Variants in ANXA3 observed in about 807,000 individuals in gnomAD.
ANXA3 encodes annexin A3.
Under a neutral mutation model 48.8 loss-of-function variants are expected in ANXA3, and 46 were observed. That is an observed-to-expected ratio of 0.94 (90% CI 0.74 to 1.21). The LOEUF is 1.21. ANXA3 is among the 50% of genes most tolerant of loss of function. The pLI is 0.00. For synonymous variants in ANXA3, 128 were observed against 134.7 expected (o/e 0.95, Z 0.35); for missense variants, 383 against 378.6 (o/e 1.01, Z -0.10).
chr4:78,556,894 G>A (rs546217966), intron 2 of ANXA3, among the ~76,000 whole-genome samples: 28 of 152,324 alleles, frequency 1.8e-4, no homozygotes, highest in South Asian at 2.1e-4. Context: ...ACCCAAGTGC[G>A]TGTGATCAAG....
intron 10 of ANXA3, among the ~76,000 whole-genome samples, chr4:78,599,290 C>T (rs1468068816): frequency 6.6e-6 from 1 of 152,166 alleles, no homozygotes; most frequent in Non-Finnish European, 1.5e-5. Flanking sequence ...CTTTCCAATC[C>T]TCCCCACCCC....
intron 3 of ANXA3, among the ~76,000 whole-genome samples, chr4:78,575,537 A>G (rs1245750794): frequency 6.7e-6 from 1 of 148,496 alleles, no homozygotes; most frequent in East Asian, 1.9e-4. Flanking sequence ...GCCTGCCACC[A>G]TCCACGTAAG....
intron 2 of ANXA3, among the ~76,000 whole-genome samples, chr4:78,568,707 T>C (rs1403059001): frequency 2.6e-5 from 4 of 152,190 alleles, no homozygotes. Flanking sequence ...CTGGCTTTTG[T>C]GAGTCAAAAA....
chr4:78,579,234 C>T lies in ANXA3; in HGVS notation c.198+113C>T, dbSNP rs1578396888. 1.7e-5 allele frequency: 11 copies of T among 654,136 alleles called. No homozygotes were observed. The East Asian group carries it at 3.2e-4, about 19-fold the overall frequency. The allele number at this position is 654,136 out of a possible 1,614,324, so 40.5% of individuals were successfully genotyped here. A position where few individuals can be genotyped will look rare whatever the true frequency, so the allele number is the denominator to read the frequency against. On this transcript the variant is annotated intron_variant, in intron 4 of 12. Transcript: ENST00000264908. ...TCAGGCTGAGTGTAACAGAAGATGC[C>T]CTGTGCATCCAGTCAGGAGCCTGGA... is the stretch of plus-strand genomic sequence containing the variant.
chr4:78,594,637 ATGTT>A (rs1436799522), intron 7 of ANXA3, among the ~76,000 whole-genome samples: 1 of 152,240 alleles, frequency 6.6e-6, no homozygotes, highest in African/African-American at 2.4e-5. Context: ...ATGACATACA[ATGTT>A]GAGAATCTTT....
intron 3 of ANXA3, among the ~76,000 whole-genome samples, chr4:78,574,674 C>T (rs1722911516): frequency 6.6e-6 from 1 of 152,116 alleles, no homozygotes; most frequent in South Asian, 2.1e-4. Context: ...TGAGATTTAT[C>T]CATGTTGATA....
At chr4:78,603,991 C>T (rs184021280) in intron 11 of ANXA3, 2 of 231,268 alleles carry the variant, frequency 8.6e-6, no homozygotes, top group East Asian at 1.8e-4. Flanking sequence ...TTCAACATGT[C>T]AGACTGTTTT....
At chr4:78,590,475 C>T (rs1233429337) in intron 6 of ANXA3, among the ~76,000 whole-genome samples, 1 of 152,172 alleles carries the variant, frequency 6.6e-6, no homozygotes, top group Non-Finnish European at 1.5e-5. Context: ...TGAGAATTCT[C>T]ATGGCTAGTA....
At chr4:78,578,852 A>AAAATAAATAAATAAATAAAT (rs3840270) in intron 3 of ANXA3, among the ~76,000 whole-genome samples, 175 bp from the exon 4 acceptor site, 1 of 148,742 alleles carries the variant, frequency 6.7e-6, no homozygotes, top group African/African-American at 2.5e-5. Context: ...TCAGGCAAAC[A>AAAATAAATAAATAAATAAAT]AAATAAATAA....
chr4:78,604,013 C>G (rs748459462), intron 11 of ANXA3: 1 of 282,504 alleles, frequency 3.5e-6, no homozygotes, highest in Non-Finnish European at 6.6e-6. Context: ...CAATGGCTTA[C>G]TTTCTTGCCT....
At position 78,579,103 on chromosome 4, in the gene ANXA3, T is replaced by C. The variant is rs1339271078; in HGVS notation, c.180T>C (p.Tyr60=). 1 of 1,610,240 alleles carries C rather than the reference T, an allele frequency of 6.2e-7. No individual in the cohort carries two copies. The highest frequency in any genetic ancestry group is 1.3e-5 in the African/African-American group (1 of 74,892). The stretch of plus-strand genomic sequence containing the variant: ...AGCGGCAGCTGATTGTTAAGGAATA[T>C]CAAGCAGCATATGGAAAGGTAAGGT... ...NAQRQLIVKE[Y]QAAYGKELKD... Residue 60 remains tyrosine (Y), a synonymous_variant, in exon 4 of 13, where the codon TAT becomes TAC. Transcript: ENST00000264908.
At chr4:78,609,062 G>A (rs1268362351) in intron 12 of ANXA3, among the ~76,000 whole-genome samples, 1 of 152,094 alleles carries the variant, frequency 6.6e-6, no homozygotes, top group Non-Finnish European at 1.5e-5. Flanking sequence ...GAAGAATATT[G>A]TCATATATTT....
At chr4:78,605,031 A>G (rs953327324) in intron 12 of ANXA3, among the ~76,000 whole-genome samples, 1 of 152,264 alleles carries the variant, frequency 6.6e-6, no homozygotes, top group Non-Finnish European at 1.5e-5. Context: ...TTTGACAAAT[A>G]TTACTAATTG....
At chr4:78,564,033 A>T (rs998790877) in intron 2 of ANXA3, among the ~76,000 whole-genome samples, 1 of 152,254 alleles carries the variant, frequency 6.6e-6, no homozygotes, top group African/African-American at 2.4e-5. Context: ...ATCTACAAAT[A>T]CTGGTGCTAG....
intron 4 of ANXA3, among the ~76,000 whole-genome samples, chr4:78,581,314 G>GAA (rs1723065417): frequency 6.6e-6 from 1 of 152,144 alleles, no homozygotes; most frequent in East Asian, 1.9e-4. Context: ...ATTGAAAATA[G>GAA]AAACCCTGTT....
chr4:78,573,307 A>C (rs755182880), intron 3 of ANXA3, 40 bp downstream of exon 3: 13 of 1,447,370 alleles, frequency 9.0e-6, no homozygotes, highest in Non-Finnish European at 1.3e-5. Context: ...ATGTTGAAGC[A>C]AATCAGGCAA....
intron 2 of ANXA3, among the ~76,000 whole-genome samples, chr4:78,567,472 G>A (rs75618529): frequency 0.051 from 7,749 of 152,232 alleles, 671 homozygotes; most frequent in African/African-American, 0.17. Flanking sequence ...GAGAAAACCA[G>A]ACAGAAGTTT....
At chr4:78,601,074 A>G (rs1403561535) in intron 10 of ANXA3, among the ~76,000 whole-genome samples, 1 of 152,184 alleles carries the variant, frequency 6.6e-6, no homozygotes, top group African/African-American at 2.4e-5. Context: ...ATGGAACTCC[A>G]GTGCCCCTGC....
chr4:78,565,056 C>T (rs767914003), intron 2 of ANXA3, among the ~76,000 whole-genome samples: 84 of 149,288 alleles, frequency 5.6e-4, no homozygotes, highest in Non-Finnish European at 9.7e-4. Flanking sequence ...TGCAGTAGCA[C>T]GATCTCAGCT....
Sources: allele counts gnomAD v4.1 joint callset (sites outside exome capture counted in the v4.1 genomes callset), GRCh38; gene constraint gnomAD v4.1.1; transcripts MANE v1.5; gene names NCBI Gene and HGNC (gene_info 2026-07-23, HGNC 2026-07-21).